POLE4: variants seen among roughly 807,000 people sequenced by gnomAD.
POLE4 encodes the protein DNA polymerase epsilon subunit 4.
Under a neutral mutation model 15.6 loss-of-function variants are expected in POLE4, and 15 were observed. That is an observed-to-expected ratio of 0.96 (90% CI 0.64 to 1.48). The LOEUF (loss-of-function observed/expected upper bound fraction) is 1.48, where lower values mean the gene tolerates loss of function less well. Among genes scored for constraint, POLE4 ranks in the 40% most tolerant of loss-of-function variants. The pLI, the probability that POLE4 is intolerant of heterozygous loss-of-function variation, is 0.00. For synonymous variants in POLE4, 83 were observed against 63.2 expected, an observed-to-expected ratio of 1.31 and a Z score of -1.49; for missense variants, 205 against 151.9, an observed-to-expected ratio of 1.35 and a Z score of -1.84.
At chr2:74,968,359 T>A (rs147992923) in intron 3 of POLE4, among the ~76,000 whole-genome samples, 127 of 152,330 alleles carry the variant, frequency 8.3e-4, no homozygotes, top group African/African-American at 2.9e-3. Flanking sequence ...TGTAGCTTTC[T>A]TCAGATACCT....
chr2:74,969,558 A>G lies in POLE4; in HGVS notation c.*136A>G, dbSNP rs1375880919. On this transcript the variant is annotated 3_prime_UTR_variant, in exon 4 of 4. Transcript: ENST00000483063. ...GTTCTGCCTTCACCTATGCCGGGAT[A>G]AGCAGAGATCTCATCAATTAGCTCT... 17 of 822,216 alleles carry G rather than the reference A, an allele frequency of 2.1e-5. No homozygotes were observed. The highest frequency in any genetic ancestry group is 3.4e-5 in the Non-Finnish European group (16 of 466,216). The allele number at this position is 822,216 out of a possible 1,614,324, so 50.9% of individuals were successfully genotyped here. A position where few individuals can be genotyped will look rare whatever the true frequency, so the allele number is the denominator to read the frequency against.
intron 3 of POLE4, chr2:74,960,968 C>T (rs1409510238): frequency 2.2e-5 from 4 of 185,872 alleles, no homozygotes; most frequent in South Asian, 1.2e-4. Context: ...AGGTTTGTAA[C>T]CTGACAACAA....
intron 3 of POLE4, among the ~76,000 whole-genome samples, chr2:74,962,700 A>C (rs576128400): frequency 6.6e-6 from 1 of 152,220 alleles, no homozygotes; most frequent in Non-Finnish European, 1.5e-5. Context: ...ATCTTGGCCA[A>C]GAGATAGGGT....
At chr2:74,960,602 A>G in intron 3 of POLE4, 1 of 498,150 alleles carries the variant, frequency 2.0e-6, no homozygotes, top group Middle Eastern at 3.2e-4. Context: ...GTCATGGATT[A>G]ACTTGTGTAC....
At position 74,959,399 on chromosome 2, in the gene POLE4, G is replaced by A; in HGVS notation, c.272G>A (p.Arg91Lys). The A allele has an allele frequency of 6.2e-7, 1 of 1,612,802 alleles. No homozygotes were observed. Among genetic ancestry groups the A allele is most frequent in the South Asian group, 1.1e-5 (1 of 91,048 alleles). ...DAYCCAQQGK[R>K]KTLQRRDLDN... ...TACTGTTGCGCTCAGCAGGGAAAAA[G>A]GAAAACCCTTCAGAGGAGAGACTTG... Residue 91 changes from arginine (R) to lysine (K), a missense_variant, in exon 2 of 4, where the codon AGG becomes AAG. Arg to Lys is a conservative substitution (Grantham distance 26). Transcript: ENST00000483063.
intron 3 of POLE4, among the ~76,000 whole-genome samples, chr2:74,961,830 G>A (rs912605713): frequency 1.3e-5 from 2 of 152,166 alleles, no homozygotes; most frequent in Non-Finnish European, 2.9e-5. Context: ...CATAGCCCCT[G>A]TGGATTCAGT....
chr2:74,967,362 CT>C (rs750687871), intron 3 of POLE4, among the ~76,000 whole-genome samples: 1 of 147,818 alleles, frequency 6.8e-6, no homozygotes, highest in Non-Finnish European at 1.5e-5. Flanking sequence ...TTTTTCAGTA[CT>C]GTGAGTTCTG....
intron 3 of POLE4, among the ~76,000 whole-genome samples, chr2:74,963,858 C>G (rs75670880): frequency 6.6e-6 from 1 of 152,056 alleles, no homozygotes; most frequent in African/African-American, 2.4e-5. Flanking sequence ...CCTTTTCACT[C>G]CTTAAAAGGT....
intron 3 of POLE4, among the ~76,000 whole-genome samples, chr2:74,960,880 C>T (rs1671211308): frequency 6.6e-6 from 1 of 152,172 alleles, no homozygotes; most frequent in African/African-American, 2.4e-5. Context: ...ATTACCTTTT[C>T]TATGTTTAGA....
chr2:74,968,533 T>A (rs893732242), intron 3 of POLE4, among the ~76,000 whole-genome samples: 2 of 152,090 alleles, frequency 1.3e-5, no homozygotes, highest in Non-Finnish European at 2.9e-5. Context: ...GAATGCAGAA[T>A]GCTTTGCTGT....
Position 74,958,670 on chromosome 2 carries a change from C to A in POLE4, c.-10C>A. Reference sequence around the variant, plus strand: ...AGTCGGCGGCCGCGCGCAGCACGCTCAAGGCCGGGATGGCGGCGGCGGCGG... The same window carrying A: ...AGTCGGCGGCCGCGCGCAGCACGCTAAAGGCCGGGATGGCGGCGGCGGCGG... On this transcript the variant is annotated 5_prime_UTR_variant, in exon 1 of 4. Transcript: ENST00000483063. The A allele has an allele frequency of 6.9e-7, 1 of 1,441,044 alleles. No individual in the cohort carries two copies. The highest frequency in any genetic ancestry group is 9.1e-7 in the Non-Finnish European group (1 of 1,104,018). 89.3% of individuals were successfully genotyped at this position (1,441,044 alleles called of 1,614,324 possible). A position where few individuals can be genotyped will look rare whatever the true frequency, so the allele number is the denominator to read the frequency against.
At chr2:74,960,017 T>A in intron 2 of POLE4, 88 bp from the exon 3 acceptor site, 1 of 1,102,660 alleles carries the variant, frequency 9.1e-7, no homozygotes, top group Non-Finnish European at 1.4e-6. Context: ...GCCCAAAGCC[T>A]CATGCCCTTC....
chr2:74,969,143 T>C (rs1553457143), intron 3 of POLE4, among the ~76,000 whole-genome samples: 1 of 152,172 alleles, frequency 6.6e-6, no homozygotes, highest in Non-Finnish European at 1.5e-5. Context: ...TCAATGTTCA[T>C]TAACTAACAC....
intron 2 of POLE4, among the ~76,000 whole-genome samples, 169 bp from the exon 3 acceptor site, chr2:74,959,936 A>G (rs929537921): frequency 1.3e-5 from 2 of 152,198 alleles, no homozygotes; most frequent in African/African-American, 2.4e-5. Context: ...GCTAATATAT[A>G]TAAGAGTTGC....
At chr2:74,961,932 A>C (rs1034361029) in intron 3 of POLE4, among the ~76,000 whole-genome samples, 1 of 152,134 alleles carries the variant, frequency 6.6e-6, no homozygotes, top group Non-Finnish European at 1.5e-5. Flanking sequence ...TCGTTTTTAT[A>C]ATACATATCC....
At chr2:74,960,014 G>A (rs1671192476) in intron 2 of POLE4, 91 bp from the exon 3 acceptor site, 4 of 1,059,668 alleles carry the variant, frequency 3.8e-6, no homozygotes, top group Non-Finnish European at 5.8e-6. Flanking sequence ...TTTGCCCAAA[G>A]CCTCATGCCC....
chr2:74,959,706 C>T, intron 2 of POLE4: 1 of 420,836 alleles, frequency 2.4e-6, no homozygotes. Context: ...TTTCACCTAG[C>T]AACTGGGGAT....
At chr2:74,960,913 C>T (rs907845552) in intron 3 of POLE4, 2 of 238,342 alleles carry the variant, frequency 8.4e-6, no homozygotes, top group Non-Finnish European at 1.7e-5. Context: ...CACTTATCCT[C>T]ATGTTACAGT....
chr2:74,969,447 G>A lies in POLE4; in HGVS notation c.*25G>A. The stretch of plus-strand genomic sequence containing the variant: ...ATTGCCGAGCGGGGCAGTTTTGTGA[G>A]CCTTCATCTGAAGCCTTCAGTTCAC... On this transcript the variant is annotated 3_prime_UTR_variant, in exon 4 of 4. Transcript: ENST00000483063. The A allele has an allele frequency of 6.2e-7, 1 of 1,612,170 alleles. No individual in the cohort carries two copies. The highest frequency in any genetic ancestry group is 8.5e-7 in the Non-Finnish European group (1 of 1,178,214).
Sources: gnomAD v4.1 joint callset for allele counts (sites outside exome capture counted in the v4.1 genomes callset) on GRCh38, gnomAD v4.1.1 for gene constraint, MANE v1.5 for transcripts, NCBI Gene and HGNC (gene_info 2026-07-23, HGNC 2026-07-21) for gene names.